Variants in ANK3 observed in about 807,000 individuals in gnomAD.
ANK3 encodes the protein ankyrin-3.
ANK3 carries 57 observed loss-of-function variants against 370.9 expected under a neutral mutation model. The ratio of observed to expected loss-of-function variants is 0.15; its 90% confidence interval spans 0.12 to 0.19. The LOEUF is 0.19. Among genes scored for constraint, ANK3 ranks in the 10% least tolerant of loss-of-function variants. The probability of loss-of-function intolerance (pLI) is 1.00; values close to 1 mark genes in which losing one functional copy is unlikely to be tolerated. For missense variants in ANK3, 4,439 were observed against 5,302.1 expected (o/e 0.84, Z 5.06); for synonymous variants, 1,929 against 1,946.3 (o/e 0.99, Z 0.23).
intron 5 of ANK3, among the ~76,000 whole-genome samples, chr10:60,268,998 T>G (rs559173684): frequency 1.0e-3 from 154 of 152,336 alleles, no homozygotes; most frequent in Non-Finnish European, 1.9e-3. Flanking sequence ...AAAAACTAAG[T>G]GAGATTAGAT....
chr10:60,657,364 G>T (rs1219391544), intron 1 of ANK3, among the ~76,000 whole-genome samples: 1 of 152,078 alleles, frequency 6.6e-6, no homozygotes, highest in Admixed American at 6.5e-5. Context: ...TGCCCAGGCT[G>T]GTCTTGAACA....
intron 27 of ANK3, among the ~76,000 whole-genome samples, chr10:60,106,575 T>C (rs1445207629): frequency 1.3e-5 from 2 of 151,994 alleles, no homozygotes; most frequent in African/African-American, 4.8e-5. Context: ...TTTCATGGCC[T>C]GTACAGTTAA....
intron 2 of ANK3, among the ~76,000 whole-genome samples, chr10:60,539,124 G>A (rs1379614754): frequency 6.6e-6 from 1 of 151,542 alleles, no homozygotes; most frequent in Non-Finnish European, 1.5e-5. Context: ...CATAAAACAG[G>A]ATATGAGTAA....
intron 1 of ANK3, among the ~76,000 whole-genome samples, chr10:60,625,733 T>C (rs1370021840): frequency 6.6e-6 from 1 of 152,184 alleles, no homozygotes; most frequent in African/African-American, 2.4e-5. Context: ...TTGTTTTATT[T>C]GCCGTGATAC....
At chr10:60,208,594 G>A (rs915220170) in intron 9 of ANK3, among the ~76,000 whole-genome samples, 1 of 152,098 alleles carries the variant, frequency 6.6e-6, no homozygotes, top group South Asian at 2.1e-4. Flanking sequence ...GGCCTGAAGC[G>A]ATCCTCCTGC....
At chr10:60,377,436 T>C (rs1016674298) in intron 1 of ANK3, among the ~76,000 whole-genome samples, 5 of 152,358 alleles carry the variant, frequency 3.3e-5, no homozygotes, top group African/African-American at 4.8e-5. Flanking sequence ...ATGCACCTGA[T>C]TCAAAATAGC....
At chr10:60,191,059 AC>A (rs997707233) in intron 16 of ANK3, among the ~76,000 whole-genome samples, 1 of 152,108 alleles carries the variant, frequency 6.6e-6, no homozygotes, top group African/African-American at 2.4e-5. Flanking sequence ...TGGACCCATA[AC>A]TCTCACCATA....
intron 17 of ANK3, among the ~76,000 whole-genome samples, chr10:60,183,506 T>C (rs2096251960): frequency 6.6e-6 from 1 of 152,230 alleles, no homozygotes. Flanking sequence ...ACAGCCCTGT[T>C]TGAGTTCAGA....
intron 1 of ANK3, among the ~76,000 whole-genome samples, chr10:60,696,065 G>A (rs1270777779): frequency 1.3e-5 from 2 of 150,518 alleles, no homozygotes; most frequent in East Asian, 1.9e-4. Flanking sequence ...AATGATAAAG[G>A]GGATATCACC....
chr10:60,398,319 G>T (rs2063285107), intron 2 of ANK3, among the ~76,000 whole-genome samples: 1 of 152,166 alleles, frequency 6.6e-6, no homozygotes, highest in Non-Finnish European at 1.5e-5. Context: ...CCTGTTTGCT[G>T]ACTGCTCTTC....
At chr10:60,462,899 T>A (rs72637061) in intron 2 of ANK3, among the ~76,000 whole-genome samples, 1 of 87,710 alleles carries the variant, frequency 1.1e-5, no homozygotes, top group East Asian at 6.8e-4. Context: ...TTTTTTAAAG[T>A]TTTATTTATT....
chr10:60,655,834 C>G (rs1302266308), intron 1 of ANK3, among the ~76,000 whole-genome samples: 1 of 152,092 alleles, frequency 6.6e-6, no homozygotes, highest in African/African-American at 2.4e-5. Context: ...CACTGTTTAC[C>G]TTTTAGACAC....
chr10:60,160,975 G>C lies in ANK3; in HGVS notation c.2614+5616C>G, dbSNP rs4385836. ...ACTGAAAGCCTTTCCTCTAAGATCT[G>C]GAGCAAGACCAGGACACCCACTTTC... On this transcript the variant is annotated intron_variant, in intron 23 of 43. Transcript: ENST00000280772. 5.7e-3 allele frequency among the ~76,000 whole-genome samples: 864 copies of C among 152,190 alleles called. 5 individuals carry two copies. Among genetic ancestry groups the C allele is most frequent in the Non-Finnish European group, 9.0e-3 (610 of 67,984 alleles).
At chr10:60,669,701 T>C (rs74155658) in intron 1 of ANK3, among the ~76,000 whole-genome samples, 7,787 of 152,140 alleles carry the variant, frequency 0.051, 263 homozygotes, top group African/African-American at 0.083. Context: ...TTTCCTTGAC[T>C]CCCCCTCACT....
chr10:60,269,659 A>C lies in ANK3; in HGVS notation c.513+472T>G, dbSNP rs914873144. 1.1e-3 allele frequency among the ~76,000 whole-genome samples: 56 copies of C among 51,316 alleles called. No individual in the cohort carries two copies. In the East Asian group the frequency reaches 0.019, roughly 18 times the overall value. The allele number at this position is 51,316 out of a possible 152,430, so 33.7% of individuals were successfully genotyped here. On this transcript the variant is annotated intron_variant, in intron 5 of 43. Transcript: ENST00000280772. The stretch of plus-strand genomic sequence containing the variant: ...GACTCCATCCCCCCTCCCCCCCCCC[A>C]AAAAAAGTACCATAGTTTTATTTAT...
chr10:60,251,786 C>T (rs1479521854), intron 7 of ANK3, among the ~76,000 whole-genome samples: 2 of 152,204 alleles, frequency 1.3e-5, no homozygotes, highest in African/African-American at 4.8e-5. Context: ...TACACTACTG[C>T]CATCATTCTA....
At position 60,389,568 on chromosome 10, in the gene ANK3, A is replaced by T; in HGVS notation, c.-30T>A. 6.2e-7 allele frequency: 1 copy of T among 1,610,086 alleles called. No homozygotes were observed. The highest frequency in any genetic ancestry group is 8.5e-7 in the Non-Finnish European group (1 of 1,178,952). On this transcript the variant is annotated 5_prime_UTR_variant, in exon 1 of 44. Coordinates refer to ENST00000280772, the MANE Select transcript of ANK3 (RefSeq NM_020987.5). The stretch of plus-strand genomic sequence containing the variant: ...CATTTAAAAAGATCCTCTCAAGCAC[A>T]CACGGCTTCCTTGTAAAAGGTGATA...
At chr10:60,456,552 C>T (rs560434695) in intron 2 of ANK3, among the ~76,000 whole-genome samples, 22 of 152,236 alleles carry the variant, frequency 1.4e-4, no homozygotes, top group African/African-American at 5.1e-4. Context: ...GCTATAATAA[C>T]GAATGAGACT....
At chr10:60,122,691 C>T (rs2093559123) in intron 25 of ANK3, among the ~76,000 whole-genome samples, 1 of 152,180 alleles carries the variant, frequency 6.6e-6, no homozygotes, top group Non-Finnish European at 1.5e-5. Flanking sequence ...CTGGTGTTGG[C>T]ATGGAATTAT....
Sources: allele counts gnomAD v4.1 joint callset (sites outside exome capture counted in the v4.1 genomes callset), GRCh38; gene constraint gnomAD v4.1.1; transcripts MANE v1.5; gene names NCBI Gene and HGNC (gene_info 2026-07-23, HGNC 2026-07-21).